The following ABCA2 variants were observed in gnomAD, a reference collection of about 807,000 sequenced individuals.
The protein encoded by ABCA2 is ATP binding cassette subfamily A member 2.
In ABCA2, 84 loss-of-function variants were observed where a neutral mutation model predicts 262.8. That is an observed-to-expected ratio of 0.32 (90% CI 0.27 to 0.38). The LOEUF (loss-of-function observed/expected upper bound fraction) is 0.38. Ranked by LOEUF, ABCA2 falls within the 10% of genes least tolerant of loss-of-function variation. The pLI is 1.00. For missense variants in ABCA2, 2,662 were observed against 3,405.9 expected (o/e 0.78, Z 5.44); for synonymous variants, 1,696 against 1,502.9 (o/e 1.13, Z -2.97).
At chr9:137,023,997 C>A in intron 2 of ABCA2, 146 bp downstream of exon 2, 1 of 1,531,408 alleles carries the variant, frequency 6.5e-7, no homozygotes, top group Non-Finnish European at 8.8e-7. Flanking sequence ...AGCCAGGAGG[C>A]ACGGCCCAGG....
Position 137,007,873 on chromosome 9 carries a change from T to C in ABCA2, c.*56A>G. On this transcript the variant is annotated 3_prime_UTR_variant, in exon 49 of 49. Coordinates refer to ENST00000341511, the MANE Select transcript of ABCA2 (RefSeq NM_001606.5). Reference sequence around the variant, plus strand: ...ACTTCTGTCCCCATTGTTGAGTCCCTGGCCCAGCTCTGGGTGGTCAGTGGA... The same window carrying C: ...ACTTCTGTCCCCATTGTTGAGTCCCCGGCCCAGCTCTGGGTGGTCAGTGGA... 1 of 1,599,114 alleles carries C rather than the reference T, an allele frequency of 6.3e-7. No individual in the cohort carries two copies.
chr9:137,018,735 G>A lies in ABCA2; in HGVS notation c.1803C>T (p.Asn601=), dbSNP rs756391704. The A allele has an allele frequency of 1.3e-5, 21 of 1,611,708 alleles. No homozygotes were observed. The highest frequency in any genetic ancestry group is 2.2e-5 in the South Asian group (2 of 91,036). The part of the protein sequence containing the change: ...NYTLNQAYQD[N]VTVFASVIFQ... ...GCAGCTCACTGGCAAAAACAGTGACGTTGTCCTGGTAGGCCTGGTTGAGGG... is the reference window on the plus strand; with the variant it reads ...GCAGCTCACTGGCAAAAACAGTGACATTGTCCTGGTAGGCCTGGTTGAGGG... The change falls in exon 13 of 49, where the codon AAC becomes AAT. Residue 601 remains asparagine, a synonymous_variant. Coordinates refer to ENST00000341511, the MANE Select transcript of ABCA2 (RefSeq NM_001606.5).
rs913086146 is a variant in ABCA2 at position 137,021,285 on chromosome 9, C to G, written c.897+107G>C. ...GGATACCCACCCACAGGCAGCATCC[C>G]ACGCACAGCCTGGGCCCAGGAGCCC... On this transcript the variant is annotated intron_variant, in intron 8 of 48. Transcript: ENST00000341511. The surrounding 1 kb of genome is among the most constrained non-coding windows in gnomAD (Gnocchi z 6.0). 1.4e-6 allele frequency: 2 copies of G among 1,414,782 alleles called. No homozygotes were observed. The highest frequency in any genetic ancestry group is 2.6e-5 in the South Asian group (2 of 76,062). The allele number at this position is 1,414,782 out of a possible 1,614,324, so 87.6% of individuals were successfully genotyped here.
chr9:137,022,318 A>C (rs1170236710), intron 6 of ABCA2, 33 bp downstream of exon 6: 3 of 1,562,396 alleles, frequency 1.9e-6, no homozygotes, highest in East Asian at 2.3e-5. Flanking sequence ...GGCAGAAGGG[A>C]GTGGCCAGGG....
chr9:137,008,025 G>C, intron 48 of ABCA2, 61 bp from the exon 49 acceptor site: 2 of 1,574,306 alleles, frequency 1.3e-6, no homozygotes, highest in East Asian at 4.5e-5. Context: ...TGGGGCTGAG[G>C]ACACTTGTGC....
rs1439482870 is a variant in ABCA2 at position 137,019,297 on chromosome 9, T to A, written c.1435A>T (p.Thr479Ser). 10 of 1,611,842 alleles carry A rather than the reference T, an allele frequency of 6.2e-6. No homozygotes were observed. The Admixed American group carries it at 1.7e-4, about 27-fold the overall frequency. Residue 479 changes from threonine (T) to serine (S), a missense_variant, in exon 11 of 49, where the codon ACT becomes TCT. By Grantham distance (58) the Thr-to-Ser change is moderately conservative. Coordinates refer to ENST00000341511, the MANE Select transcript of ABCA2 (RefSeq NM_001606.5). The surrounding 1 kb of genome is among the most constrained non-coding windows in gnomAD (Gnocchi z 4.4). ...VDRVILKANE[T>S]FAFVGNVTHY... ...GTCACGTTGCCCACAAAAGCAAAAG[T>A]CTCGTTGGCCTGCAGGGGGTGAGGC...
At chr9:137,013,628 G>A (rs967730940) in intron 28 of ABCA2, 65 bp from the exon 29 acceptor site, 4 of 1,497,494 alleles carry the variant, frequency 2.7e-6, no homozygotes, top group Non-Finnish European at 3.6e-6. Flanking sequence ...CCAAGCCTCG[G>A]TCCCCTTCCC....
At chr9:137,020,127 C>A (rs1479900474) in intron 10 of ABCA2, 3 of 647,114 alleles carry the variant, frequency 4.6e-6, no homozygotes, top group Non-Finnish European at 7.9e-6. Flanking sequence ...AGCAGACTCT[C>A]CAGTGCCTTC....
chr9:137,023,314 T>C lies in ABCA2; in HGVS notation c.164-262A>G, dbSNP rs1197639266. ...CTGCCATAACTCCCAGAGCATTCCT[T>C]TCCTTTCAGCCAGTGCAGGCCCACA... On this transcript the variant is annotated intron_variant, in intron 3 of 48. Coordinates refer to ENST00000341511, the MANE Select transcript of ABCA2 (RefSeq NM_001606.5). 4 of 665,448 alleles carry C rather than the reference T, an allele frequency of 6.0e-6. No individual in the cohort carries two copies. In the African/African-American group the frequency reaches 7.1e-5, roughly 12 times the overall value. 41.2% of individuals were successfully genotyped at this position (665,448 alleles called of 1,614,324 possible).
Position 137,013,282 on chromosome 9 carries a change from G to T in ABCA2, c.4587C>A (p.Leu1529=), listed in dbSNP as rs767130384. 4 of 1,580,666 alleles carry T rather than the reference G, an allele frequency of 2.5e-6. No homozygotes were observed. The highest frequency in any genetic ancestry group is 1.3e-5 in the African/African-American group (1 of 74,372). The change falls in exon 30 of 49, where the codon CTC becomes CTA. Residue 1529 remains leucine (L), a synonymous_variant. Coordinates refer to ENST00000341511, the MANE Select transcript of ABCA2 (RefSeq NM_001606.5). ...RLSPDASPQQ[L]VSTFRLPSGV... is the part of the protein sequence containing the mutation. ...CCGACGGCAGCCGGAACGTGCTCAC[G>T]AGCTGCTGGGGGCTGGCGTCGGGCG...
intron 39 of ABCA2, 35 bp from the exon 40 acceptor site, chr9:137,010,772 G>A (rs769048305): frequency 2.2e-5 from 35 of 1,585,246 alleles, no homozygotes; most frequent in Middle Eastern, 1.7e-4. Flanking sequence ...CCAGCAGCTC[G>A]CCACCCCCAC....
rs746189648 is a variant in ABCA2 at position 137,020,272 on chromosome 9, C to A, written c.1425+64G>T. 8.8e-6 allele frequency: 14 copies of A among 1,597,216 alleles called. No individual in the cohort carries two copies. The East Asian group carries it at 3.1e-4, about 36-fold the overall frequency. On this transcript the variant is annotated intron_variant, in intron 10 of 48. Coordinates refer to ENST00000341511, the MANE Select transcript of ABCA2 (RefSeq NM_001606.5). The stretch of plus-strand genomic sequence containing the variant: ...TGCCGACACCCTCTGCCCAGGGGTC[C>A]CAGGCCTGCAGAGACCCCCTCCCAC...
Position 137,019,597 on chromosome 9 carries a change from T to C in ABCA2, c.1426-291A>G, listed in dbSNP as rs1295267532. 3 of 360,564 alleles carry C rather than the reference T, an allele frequency of 8.3e-6. No homozygotes were observed. The highest frequency in any genetic ancestry group is 4.3e-5 in the African/African-American group (2 of 46,364). 22.3% of individuals were successfully genotyped at this position (360,564 alleles called of 1,614,324 possible). On this transcript the variant is annotated intron_variant, in intron 10 of 48. Transcript: ENST00000341511. The surrounding 1 kb of genome is among the most constrained non-coding windows in gnomAD (Gnocchi z 4.4). ...ACCACCACGCCTGGCTAATTTTGTATTTTTGGTAGAGACGGGCTTCCGCTA... is the reference window on the plus strand; with the variant it reads ...ACCACCACGCCTGGCTAATTTTGTACTTTTGGTAGAGACGGGCTTCCGCTA...
chr9:137,022,752 G>T lies in ABCA2; in HGVS notation c.389C>A (p.Ala130Asp). Residue 130 changes from alanine (A) to aspartate (D), a missense_variant, in exon 5 of 49, where the codon GCC (alanine) becomes GAC (aspartate). By Grantham distance (126) the Ala-to-Asp change is moderately radical. This residue lies in a region of ABCA2 where 403 missense variants were observed against 375.9 expected (regional missense o/e 1.07). Coordinates refer to ENST00000341511, the MANE Select transcript of ABCA2 (RefSeq NM_001606.5). ...ELEALRQHLEALSAGPGTSGS... is the reference protein window; with the variant it reads ...ELEALRQHLEDLSAGPGTSGS... ...CGAGGTGCCCGGGCCCGCACTGAGG[G>T]CCTCCAGATGCTGGCGTAGGGCCTC... The T allele has an allele frequency of 6.2e-7, 1 of 1,604,694 alleles. No individual in the cohort carries two copies. The highest frequency in any genetic ancestry group is 1.1e-5 in the South Asian group (1 of 89,414).
chr9:137,013,231 C>T lies in ABCA2; in HGVS notation c.4638G>A (p.Lys1546=). ...GCCCCAGCGAGCCGTTGGCGGGAGA[C>T]TTGAGCACGCAGGTGGCACCCACCC... ...PSGVGATCVL[K]SPANGSLGPT... Residue 1546 remains lysine (K), a synonymous_variant, in exon 30 of 49, where the codon AAG becomes AAA. Transcript: ENST00000341511. The T allele has an allele frequency of 1.2e-6, 2 of 1,601,666 alleles. No individual in the cohort carries two copies. Among genetic ancestry groups the T allele is most frequent in the Non-Finnish European group, 1.7e-6 (2 of 1,177,348 alleles).
At chr9:137,008,900 G>GCCCCCCCCCCCCCCCCCCCC (rs59031144) in intron 46 of ABCA2, 32 bp from the exon 47 acceptor site, 2 of 1,556,382 alleles carry the variant, frequency 1.3e-6, no homozygotes, top group South Asian at 1.1e-5. Context: ...GCCTGGCAGC[G>GCCCCCCCCCCCCCCCCCCCC]CCCCCCCACC....
Position 137,019,212 on chromosome 9 carries a change from C to T in ABCA2, c.1520G>A (p.Gly507Asp), listed in dbSNP as rs752142910. The change falls in exon 11 of 49, where the codon GGC becomes GAC. Residue 507 changes from glycine to aspartate, a missense_variant. Coordinates refer to ENST00000341511, the MANE Select transcript of ABCA2 (RefSeq NM_001606.5). This position sits in a 1 kb window ranked among gnomAD's most constrained non-coding sequence, Gnocchi z 4.4. ...SAEIRSFLEQ[G>D]RLQQHLRWLQ... ...CCAGCGCAGGTGTTGCTGCAGCCTG[C>T]CCTGCTCCAGGAAGCTGCGGATCTC... 1.2e-6 allele frequency: 2 copies of T among 1,612,624 alleles called. No homozygotes were observed. Among genetic ancestry groups the T allele is most frequent in the Non-Finnish European group, 1.7e-6 (2 of 1,179,880 alleles).
intron 1 of ABCA2, 88 bp downstream of exon 1, chr9:137,027,987 G>A (rs1831714338): frequency 4.6e-5 from 34 of 744,360 alleles, no homozygotes; most frequent in Non-Finnish European, 5.6e-5. Flanking sequence ...GCGCGCGCCC[G>A]GCCGTCCGCA....
chr9:137,015,186 C>T (rs996540697), intron 24 of ABCA2, 89 bp from the exon 25 acceptor site: 5 of 1,414,908 alleles, frequency 3.5e-6, no homozygotes, highest in Admixed American at 2.3e-5. Context: ...AAGATATGGG[C>T]ATTGGAGAGG....
Sources: gnomAD v4.1 joint callset for allele counts on GRCh38, gnomAD v4.1.1 for gene constraint, gnomAD v4.1.1 regional missense constraint, Gnocchi (gnomAD v3.1) non-coding constraint, MANE v1.5 for transcripts, NCBI Gene and HGNC (gene_info 2026-07-23, HGNC 2026-07-21) for gene names.